RPL38: variants seen among roughly 807,000 people sequenced by gnomAD.
RPL38 encodes large ribosomal subunit protein eL38.
RPL38 carries 2 observed loss-of-function variants against 12.8 expected under a neutral mutation model. That is an observed-to-expected ratio of 0.16 (90% CI 0.06 to 0.49). The LOEUF (loss-of-function observed/expected upper bound fraction) is 0.49. Ranked by LOEUF, RPL38 falls within the 20% of genes least tolerant of loss-of-function variation. RPL38 has a pLI of 0.96. For missense variants in RPL38, 52 were observed against 79.8 expected (o/e 0.65, Z 1.33); for synonymous variants, 42 against 30.1 (o/e 1.39, Z -1.29).
intron 3 of RPL38, 84 bp downstream of exon 3, chr17:74,204,274 G>A (rs1364098355): frequency 2.3e-6 from 3 of 1,308,610 alleles, no homozygotes; most frequent in Non-Finnish European, 3.3e-6. Flanking sequence ...ATGTCAGGCA[G>A]GAGACGGTTA....
At chr17:74,208,192 C>T (rs533258174) in intron 3 of RPL38, among the ~76,000 whole-genome samples, 2 of 152,268 alleles carry the variant, frequency 1.3e-5, no homozygotes, top group South Asian at 2.1e-4. Flanking sequence ...ATAACAAATC[C>T]TGGGAGTATC....
chr17:74,206,708 CTTTTTTTTTTTTT>C (rs35333460), intron 3 of RPL38, among the ~76,000 whole-genome samples: 7 of 101,590 alleles, frequency 6.9e-5, no homozygotes, highest in Admixed American at 1.1e-4. Flanking sequence ...TTTTTTCTTT[CTTTTTTTTTTTTT>C]TTTTTTTTTG....
In RPL38 at chr17:74,204,069, G is replaced by T. The variant is rs112792244; in HGVS notation, c.4-61G>T. ...TGAGGCCGGGAGAAGCTGGTGGACT[G>T]GGCCATCGCCGGGAGACGTGTCTCT... On this transcript the variant is annotated intron_variant, in intron 2 of 4. Transcript: ENST00000311111. The T allele has an allele frequency of 2.3e-3, 3,631 of 1,610,588 alleles. 61 individuals carry two copies. The African/African-American group carries it at 0.033, about 15-fold the overall frequency.
intron 3 of RPL38, among the ~76,000 whole-genome samples, chr17:74,207,282 G>A (rs2050123677): frequency 6.6e-6 from 1 of 152,300 alleles, no homozygotes; most frequent in Non-Finnish European, 1.5e-5. Context: ...GAGATTACAG[G>A]CAGGAGCCAC....
At position 74,209,224 on chromosome 17, in the gene RPL38, T is replaced by C; in HGVS notation, c.102T>C (p.Phe34=). 1 of 1,614,008 alleles carries C rather than the reference T, an allele frequency of 6.2e-7. No individual in the cohort carries two copies. Among genetic ancestry groups the C allele is most frequent in the Non-Finnish European group, 8.5e-7 (1 of 1,179,940 alleles). The change falls in exon 4 of 5, where the codon TTT becomes TTC. Residue 34 remains phenylalanine, a synonymous_variant. Transcript: ENST00000311111. ...KIKKNKDNVK[F]KVRCSRYLYT... ...AGAAAAATAAGGACAACGTGAAGTT[T>C]AAAGTTCGATGCAGCAGATACCTTT...
chr17:74,206,777 ATC>A (rs987714929), intron 3 of RPL38, among the ~76,000 whole-genome samples: 10 of 143,410 alleles, frequency 7.0e-5, no homozygotes, highest in African/African-American at 2.7e-4. Flanking sequence ...CAGTGGCGGA[ATC>A]TCAGCTCACT....
intron 3 of RPL38, chr17:74,204,414 C>CA: frequency 1.8e-6 from 1 of 566,068 alleles, no homozygotes; most frequent in South Asian, 2.1e-5. Flanking sequence ...GCGATCATCT[C>CA]AGAGGCCGCC....
chr17:74,205,620 A>C (rs933946513), intron 3 of RPL38: 57 of 152,262 alleles, frequency 3.7e-4, no homozygotes, highest in African/African-American at 1.3e-3. Flanking sequence ...GGTCAGTTTT[A>C]TTTCAGACCA....
intron 3 of RPL38, among the ~76,000 whole-genome samples, chr17:74,206,665 A>G (rs1223261798): frequency 6.8e-6 from 1 of 146,846 alleles, no homozygotes; most frequent in Non-Finnish European, 1.5e-5. Context: ...TTCTCTTCAC[A>G]TGTCCTCAAG....
chr17:74,204,109 C>T (rs773133204), intron 2 of RPL38, 21 bp from the exon 3 acceptor site: 138 of 1,614,000 alleles, frequency 8.6e-5, no homozygotes, highest in Non-Finnish European at 1.1e-4. Flanking sequence ...TCTCTGTTCA[C>T]CCGCTTCCTT....
chr17:74,208,801 G>T (rs2050138648), intron 3 of RPL38, among the ~76,000 whole-genome samples: 1 of 152,100 alleles, frequency 6.6e-6, no homozygotes, highest in Non-Finnish European at 1.5e-5. Flanking sequence ...TGGGTGTGGT[G>T]GTGCACGCCT....
chr17:74,206,948 C>T (rs920610314), intron 3 of RPL38, among the ~76,000 whole-genome samples: 1 of 151,720 alleles, frequency 6.6e-6, no homozygotes, highest in African/African-American at 2.4e-5. Flanking sequence ...TATCTCCTGA[C>T]CTCATGATCC....
intron 3 of RPL38, chr17:74,206,338 G>A (rs1205881862): frequency 6.6e-6 from 1 of 152,178 alleles, no homozygotes; most frequent in Non-Finnish European, 1.5e-5. Context: ...TCAGGAGGCT[G>A]AGGTAGGATT....
In RPL38 at chr17:74,208,909, C is replaced by T. The variant is rs187257142; in HGVS notation, c.65-278C>T. On this transcript the variant is annotated intron_variant, in intron 3 of 4. Coordinates refer to ENST00000311111, the MANE Select transcript of RPL38 (RefSeq NM_000999.4). ...CAAGATTGCGCCACTACACTCCAGC[C>T]TGGCAACAGACCGAGACTCTGTCTC... Among the ~76,000 whole-genome samples the T allele has an allele frequency of 2.2e-4, 34 of 152,274 alleles. No homozygotes were observed. The South Asian group carries it at 3.7e-3, about 17-fold the overall frequency.
rs2050084033 is a variant in RPL38, at chr17:74,203,900, G to A, written c.-38-18G>A. On this transcript the variant is annotated intron_variant, in intron 1 of 4. Coordinates refer to ENST00000311111, the MANE Select transcript of RPL38 (RefSeq NM_000999.4). ...CCAGCCCCCGCGCCGTGTTAACGCC[G>A]AGGACTGTTTCCCGCAGGTCCTGGT... 1 of 1,575,434 alleles carries A rather than the reference G, an allele frequency of 6.3e-7. No individual in the cohort carries two copies. Among genetic ancestry groups the A allele is most frequent in the Admixed American group, 1.8e-5 (1 of 54,680 alleles).
chr17:74,206,872 C>T (rs528258931), intron 3 of RPL38, among the ~76,000 whole-genome samples: 11 of 151,476 alleles, frequency 7.3e-5, no homozygotes, highest in South Asian at 4.2e-4. Flanking sequence ...GTCACCATGC[C>T]GGGCTAATTT....
rs58007016 is a variant in RPL38 at position 74,210,240 on chromosome 17, C to T, written c.*411C>T. The T allele has an allele frequency of 2.4e-3, 382 of 161,218 alleles. 1 individual carries two copies. Among genetic ancestry groups the T allele is most frequent in the African/African-American group, 8.4e-3 (350 of 41,728 alleles). 10.0% of individuals were successfully genotyped at this position (161,218 alleles called of 1,614,324 possible). On this transcript the variant is annotated 3_prime_UTR_variant, in exon 5 of 5. Transcript: ENST00000311111. ...GATTACAGGCATGAGCCTCCGTGCCCGGTGCATCCCTAATCTTGAGCATGA... is the reference window on the plus strand; with the variant it reads ...GATTACAGGCATGAGCCTCCGTGCCTGGTGCATCCCTAATCTTGAGCATGA...
chr17:74,204,121 G>A lies in RPL38; in HGVS notation c.4-9G>A. The A allele has an allele frequency of 6.2e-7, 1 of 1,614,180 alleles. No individual in the cohort carries two copies. Among genetic ancestry groups the A allele is most frequent in the Non-Finnish European group, 8.5e-7 (1 of 1,180,024 alleles). ...TCCTCTCTGTTCACCCGCTTCCTTT[G>A]TGTTGCAGCCTCGGAAAATTGAGGA... On this transcript the variant is annotated splice_polypyrimidine_tract_variant and intron_variant, in intron 2 of 4. Coordinates refer to ENST00000311111, the MANE Select transcript of RPL38 (RefSeq NM_000999.4).
At chr17:74,209,166 C>A in intron 3 of RPL38, 21 bp from the exon 4 acceptor site, 1 of 1,611,924 alleles carries the variant, frequency 6.2e-7, no homozygotes. Context: ...CAATTTAATT[C>A]CTGATTCTGG....
Sources: allele counts gnomAD v4.1 joint callset (sites outside exome capture counted in the v4.1 genomes callset), GRCh38; gene constraint gnomAD v4.1.1; transcripts MANE v1.5; gene names NCBI Gene and HGNC (gene_info 2026-07-23, HGNC 2026-07-21).